Variants in GRIA2 observed in about 807,000 individuals in gnomAD.
The protein encoded by GRIA2 is glutamate receptor 2.
A neutral mutation model predicts 97.3 loss-of-function variants in GRIA2; 14 were observed. That is an observed-to-expected ratio of 0.14 (90% CI 0.10 to 0.23). The LOEUF (loss-of-function observed/expected upper bound fraction) is 0.23, where lower values mean the gene tolerates loss of function less well. Ranked by LOEUF, GRIA2 falls within the 10% of genes least tolerant of loss-of-function variation. The pLI, the probability that GRIA2 is intolerant of heterozygous loss-of-function variation, is 1.00. For synonymous variants in GRIA2, 412 were observed against 387.8 expected (o/e 1.06, Z -0.73); for missense variants, 558 against 1,069.8 (o/e 0.52, Z 6.67).
intron 6 of GRIA2, among the ~76,000 whole-genome samples, chr4:157,328,664 A>G (rs1180145417): frequency 6.6e-6 from 1 of 151,970 alleles, no homozygotes; most frequent in Non-Finnish European, 1.5e-5. Flanking sequence ...GTCTTGGTGA[A>G]TCTGATTAGC....
intron 2 of GRIA2, among the ~76,000 whole-genome samples, chr4:157,243,624 TCC>T (rs1730601599): frequency 6.6e-6 from 1 of 152,160 alleles, no homozygotes; most frequent in Non-Finnish European, 1.5e-5. Context: ...TTTTTGTGAA[TCC>T]TGTTATCATA....
chr4:157,315,814 C>T (rs1466153376), intron 4 of GRIA2, among the ~76,000 whole-genome samples: 1 of 152,178 alleles, frequency 6.6e-6, no homozygotes, highest in South Asian at 2.1e-4. Context: ...GCTGGGATTA[C>T]AGGCGTGGAC....
At chr4:157,244,857 G>A (rs1036624941) in intron 2 of GRIA2, among the ~76,000 whole-genome samples, 2 of 151,932 alleles carry the variant, frequency 1.3e-5, no homozygotes, top group African/African-American at 4.8e-5. Flanking sequence ...TGCTAGTTGT[G>A]AGGAGGAATG....
At chr4:157,359,148 T>G (rs1417379200) in intron 12 of GRIA2, among the ~76,000 whole-genome samples, 1 of 152,174 alleles carries the variant, frequency 6.6e-6, no homozygotes, top group African/African-American at 2.4e-5. Flanking sequence ...TTGATGTGTA[T>G]CTTTGCTTTT....
At chr4:157,256,282 A>G (rs1175010674) in intron 2 of GRIA2, among the ~76,000 whole-genome samples, 1 of 135,226 alleles carries the variant, frequency 7.4e-6, no homozygotes, top group East Asian at 2.0e-4. Context: ...TATGTTATAT[A>G]TTACATATAT....
intron 2 of GRIA2, among the ~76,000 whole-genome samples, chr4:157,283,742 T>C (rs1025952510): frequency 2.6e-5 from 4 of 151,950 alleles, no homozygotes; most frequent in African/African-American, 7.2e-5. Context: ...TGTTAGAAAT[T>C]AATGTCTTTC....
chr4:157,333,488 G>A, intron 8 of GRIA2, 135 bp downstream of exon 8: 1 of 433,468 alleles, frequency 2.3e-6, no homozygotes, highest in Admixed American at 4.1e-5. Context: ...GATATATTTT[G>A]AAGTTTTTTT....
At chr4:157,239,452 A>G (rs1730399701) in intron 2 of GRIA2, among the ~76,000 whole-genome samples, 1 of 152,074 alleles carries the variant, frequency 6.6e-6, no homozygotes, top group African/African-American at 2.4e-5. Flanking sequence ...AATGGAAAAG[A>G]ACTTGCCTCT....
At chr4:157,360,399 T>G (rs1352044909) in intron 13 of GRIA2, among the ~76,000 whole-genome samples, 1 of 152,168 alleles carries the variant, frequency 6.6e-6, no homozygotes, top group East Asian at 1.9e-4. Flanking sequence ...TAAAACACAT[T>G]CATTTTAAGG....
At chr4:157,224,988 G>C (rs1174510115) in intron 2 of GRIA2, among the ~76,000 whole-genome samples, 1 of 152,048 alleles carries the variant, frequency 6.6e-6, no homozygotes, top group East Asian at 1.9e-4. Flanking sequence ...GTATTAAAAA[G>C]TGGATTTTTA....
chr4:157,225,498 A>G (rs1426608839), intron 2 of GRIA2, among the ~76,000 whole-genome samples: 1 of 152,102 alleles, frequency 6.6e-6, no homozygotes, highest in African/African-American at 2.4e-5. Flanking sequence ...TGAGATTAGT[A>G]TCTGATGTGT....
At chr4:157,271,870 T>A (rs1732041321) in intron 2 of GRIA2, among the ~76,000 whole-genome samples, 1 of 152,084 alleles carries the variant, frequency 6.6e-6, no homozygotes, top group South Asian at 2.1e-4. Flanking sequence ...GAGTTGTTTG[T>A]CAAGAAACAG....
In GRIA2 at chr4:157,363,858, A is replaced by T. The variant is rs1210169806; in HGVS notation, c.*427A>T. On this transcript the variant is annotated 3_prime_UTR_variant, in exon 16 of 16. Coordinates refer to ENST00000264426, the MANE Select transcript of GRIA2 (RefSeq NM_001083619.3). ...ACCTGAAGTCTTTGTACAGACAACA[A>T]ACCTGTTTCTGCAGCCACTATTGTT... 1 of 281,598 alleles carries T rather than the reference A, an allele frequency of 3.6e-6. No individual in the cohort carries two copies. The highest frequency in any genetic ancestry group is 6.6e-6 in the Non-Finnish European group (1 of 151,812). 17.4% of individuals were successfully genotyped at this position (281,598 alleles called of 1,614,324 possible). A position where few individuals can be genotyped will look rare whatever the true frequency, so the allele number is the denominator to read the frequency against.
At chr4:157,326,514 C>G (rs938427272) in intron 6 of GRIA2, among the ~76,000 whole-genome samples, 5 of 152,008 alleles carry the variant, frequency 3.3e-5, no homozygotes, top group East Asian at 3.9e-4. Context: ...TAAAGAAAAG[C>G]AAAGGTACTG....
chr4:157,304,442 A>G (rs2126868610), intron 3 of GRIA2, among the ~76,000 whole-genome samples: 1 of 152,240 alleles, frequency 6.6e-6, no homozygotes, highest in South Asian at 2.1e-4. Flanking sequence ...TATGTTTCTC[A>G]TATCCCTTGT....
chr4:157,363,331 A>G (rs1736719959), intron 15 of GRIA2, 104 bp from the exon 16 acceptor site: 1 of 695,862 alleles, frequency 1.4e-6, no homozygotes. Context: ...AAGCTTTCAG[A>G]TAGAAGTAAA....
intron 2 of GRIA2, among the ~76,000 whole-genome samples, chr4:157,271,243 G>C (rs1401142414): frequency 1.3e-5 from 2 of 151,864 alleles, no homozygotes; most frequent in African/African-American, 4.8e-5. Flanking sequence ...CCAGGTAGGT[G>C]TCCTCCAATT....
chr4:157,259,896 C>A (rs561536024), intron 2 of GRIA2, among the ~76,000 whole-genome samples: 1 of 152,086 alleles, frequency 6.6e-6, no homozygotes, highest in Admixed American at 6.6e-5. Context: ...TTTGATTACA[C>A]ATATTTTTTA....
chr4:157,309,313 A>C, intron 3 of GRIA2, among the ~76,000 whole-genome samples: 1 of 151,754 alleles, frequency 6.6e-6, no homozygotes, highest in East Asian at 1.9e-4. Context: ...TTTGACACGT[A>C]GAACAAATGA....
Sources: gnomAD v4.1 joint callset for allele counts (sites outside exome capture counted in the v4.1 genomes callset) on GRCh38, gnomAD v4.1.1 for gene constraint, MANE v1.5 for transcripts, NCBI Gene and HGNC (gene_info 2026-07-23, HGNC 2026-07-21) for gene names.